Variants in KSR2 observed in about 807,000 individuals in gnomAD.
KSR2 encodes kinase suppressor of ras 2.
KSR2 carries 25 observed loss-of-function variants against 107.8 expected under a neutral mutation model. The ratio of observed to expected loss-of-function variants is 0.23; its 90% CI spans 0.17 to 0.32. The LOEUF (loss-of-function observed/expected upper bound fraction) is 0.32. KSR2 is among the 10% of genes least tolerant of loss of function. The pLI is 1.00. For synonymous variants in KSR2, 480 were observed against 507.0 expected (o/e 0.95, Z 0.71); for missense variants, 887 against 1,268.9 (o/e 0.70, Z 4.57).
At chr12:117,538,216 A>G (rs1182964177) in intron 10 of KSR2, among the ~76,000 whole-genome samples, 3 of 152,126 alleles carry the variant, frequency 2.0e-5, no homozygotes, top group Non-Finnish European at 4.4e-5. Context: ...GGCATTTACT[A>G]AGACGATTCA....
intron 4 of KSR2, among the ~76,000 whole-genome samples, chr12:117,709,634 A>T (rs2136647717): frequency 6.6e-6 from 1 of 152,302 alleles, no homozygotes; most frequent in South Asian, 2.1e-4. Context: ...TGTTTTATCT[A>T]CTTCAGTGCA....
At chr12:117,944,895 C>G (rs1896129761) in intron 1 of KSR2, among the ~76,000 whole-genome samples, 1 of 151,526 alleles carries the variant, frequency 6.6e-6, no homozygotes, top group Admixed American at 6.6e-5. Flanking sequence ...AAGTTAAAAC[C>G]TAAAAAAATA....
intron 3 of KSR2, among the ~76,000 whole-genome samples, chr12:117,793,644 A>T (rs1322646721): frequency 6.8e-6 from 1 of 147,110 alleles, no homozygotes; most frequent in Admixed American, 6.8e-5. Flanking sequence ...TCCCATGCAC[A>T]TATACACCAA....
At position 117,531,715 on chromosome 12, in the gene KSR2, A is replaced by T. The variant is rs763686090; in HGVS notation, c.1688-8T>A. The T allele has an allele frequency of 1.3e-6, 2 of 1,597,482 alleles. No individual in the cohort carries two copies. The highest frequency in any genetic ancestry group is 1.7e-6 in the Non-Finnish European group (2 of 1,173,658). The stretch of plus-strand genomic sequence containing the variant: ...ATTTGTAGTAGTGGGATGCTTGCAA[A>T]AGAAAGAAAACATCAAAGTGAGTGT... On this transcript the variant is annotated splice_polypyrimidine_tract_variant and splice_region_variant and intron_variant, in intron 10 of 19. Coordinates refer to ENST00000339824, the MANE Select transcript of KSR2 (RefSeq NM_173598.6).
At chr12:117,728,871 T>A (rs1225569387) in intron 4 of KSR2, among the ~76,000 whole-genome samples, 1 of 152,250 alleles carries the variant, frequency 6.6e-6, no homozygotes. Flanking sequence ...AACTTTGGCA[T>A]CTGAGAGTCC....
intron 3 of KSR2, among the ~76,000 whole-genome samples, chr12:117,808,445 C>T (rs556546193): frequency 7.9e-5 from 12 of 152,228 alleles, no homozygotes; most frequent in African/African-American, 2.2e-4. Context: ...TATTTAACCC[C>T]TCTAAACCTC....
chr12:117,852,988 A>C (rs537699739), intron 3 of KSR2, among the ~76,000 whole-genome samples: 1 of 152,238 alleles, frequency 6.6e-6, no homozygotes, highest in South Asian at 2.1e-4. Context: ...TTTTTAGTAG[A>C]GATGGGGTTT....
At chr12:117,924,319 GCA>G (rs1895438239) in intron 1 of KSR2, among the ~76,000 whole-genome samples, 1 of 151,046 alleles carries the variant, frequency 6.6e-6, no homozygotes, top group South Asian at 2.1e-4. Context: ...TGTAATCCCA[GCA>G]CTTTGGGAGG....
At chr12:117,912,166 C>T (rs1423575321) in intron 1 of KSR2, among the ~76,000 whole-genome samples, 13 of 152,188 alleles carry the variant, frequency 8.5e-5, no homozygotes. Flanking sequence ...AACGAAAGTC[C>T]TGGATTTCTC....
intron 14 of KSR2, among the ~76,000 whole-genome samples, chr12:117,512,987 C>A (rs1874126910): frequency 6.6e-6 from 1 of 152,068 alleles, no homozygotes; most frequent in Non-Finnish European, 1.5e-5. Context: ...AAAACCTCTC[C>A]TAGGATTTCT....
chr12:117,557,482 G>T (rs1211504121), intron 8 of KSR2, among the ~76,000 whole-genome samples: 1 of 152,170 alleles, frequency 6.6e-6, no homozygotes, highest in Non-Finnish European at 1.5e-5. Flanking sequence ...CATTCAGTAG[G>T]TCTGAGGTGG....
At chr12:117,909,763 C>G (rs1894960074) in intron 1 of KSR2, among the ~76,000 whole-genome samples, 1 of 149,760 alleles carries the variant, frequency 6.7e-6, no homozygotes, top group African/African-American at 2.5e-5. Flanking sequence ...AAAAAAAAAG[C>G]TGGGCATGGT....
chr12:117,543,247 A>T (rs570699742), intron 9 of KSR2, among the ~76,000 whole-genome samples: 15 of 152,362 alleles, frequency 9.8e-5, no homozygotes, highest in African/African-American at 3.6e-4. Context: ...AGCAATGTAC[A>T]AATGATTGAT....
chr12:117,834,556 G>A (rs1197935855), intron 3 of KSR2, among the ~76,000 whole-genome samples: 1 of 152,130 alleles, frequency 6.6e-6, no homozygotes, highest in African/African-American at 2.4e-5. Context: ...ATCAACCCAG[G>A]AGGCAACAGG....
intron 5 of KSR2, among the ~76,000 whole-genome samples, chr12:117,608,385 G>A (rs1212262732): frequency 3.3e-5 from 5 of 152,280 alleles, no homozygotes; most frequent in South Asian, 2.1e-4. Context: ...TGATTTTATC[G>A]TCACCTCCAG....
chr12:117,871,496 G>A (rs1014526779), intron 1 of KSR2, among the ~76,000 whole-genome samples: 3 of 151,946 alleles, frequency 2.0e-5, no homozygotes, highest in African/African-American at 4.8e-5. Flanking sequence ...GCTGAGGCAC[G>A]AGAATTGTTT....
intron 3 of KSR2, among the ~76,000 whole-genome samples, chr12:117,851,826 G>A (rs892143616): frequency 6.6e-6 from 1 of 151,892 alleles, no homozygotes; most frequent in African/African-American, 2.4e-5. Flanking sequence ...AGGAAGTGGA[G>A]TTTGCAGTGA....
chr12:117,625,150 A>T (rs1882404190), intron 5 of KSR2, among the ~76,000 whole-genome samples: 1 of 152,190 alleles, frequency 6.6e-6, no homozygotes, highest in East Asian at 1.9e-4. Flanking sequence ...ATCTGCAAAC[A>T]CGGACAATTT....
intron 7 of KSR2, 75 bp from the exon 8 acceptor site, chr12:117,558,648 T>C: frequency 9.4e-7 from 1 of 1,062,704 alleles, no homozygotes; most frequent in East Asian, 2.4e-5. Flanking sequence ...GGTGGATGAA[T>C]GGATGGATGG....
Sources: gnomAD v4.1 joint callset for allele counts (sites outside exome capture counted in the v4.1 genomes callset) on GRCh38, gnomAD v4.1.1 for gene constraint, MANE v1.5 for transcripts, NCBI Gene and HGNC (gene_info 2026-07-23, HGNC 2026-07-21) for gene names.